Variants in PLEKHB2 observed in about 807,000 individuals in gnomAD.
PLEKHB2 encodes the protein pleckstrin homology domain-containing family B member 2.
A neutral mutation model predicts 36.5 loss-of-function variants in PLEKHB2; 31 were observed. The observed-to-expected ratio is 0.85, with a 90% CI of 0.64 to 1.15. The LOEUF is 1.15. PLEKHB2 is among the 50% of genes most tolerant of loss of function. The pLI, the probability that PLEKHB2 is intolerant of heterozygous loss-of-function variation, is 0.00. For missense variants in PLEKHB2, 262 were observed against 295.3 expected (o/e 0.89, Z 0.83); for synonymous variants, 119 against 112.0 (o/e 1.06, Z -0.39).
intron 1 of PLEKHB2, among the ~76,000 whole-genome samples, chr2:131,111,954 C>A (rs1227181808): frequency 1.3e-5 from 2 of 151,910 alleles, no homozygotes; most frequent in Non-Finnish European, 2.9e-5. Context: ...TGTCTTTGAC[C>A]TCATTTCCTG....
chr2:131,123,065 C>G (rs114051390), intron 2 of PLEKHB2, among the ~76,000 whole-genome samples: 3,394 of 152,242 alleles, frequency 0.022, 128 homozygotes, highest in African/African-American at 0.077. Context: ...ACAATTTTGT[C>G]CTCCCCATCA....
chr2:131,146,308 C>T (rs994758241), intron 7 of PLEKHB2, among the ~76,000 whole-genome samples: 1 of 152,170 alleles, frequency 6.6e-6, no homozygotes, highest in African/African-American at 2.4e-5. Flanking sequence ...CACTGTGTGT[C>T]TCCCATGTTC....
At chr2:131,144,402 T>C (rs1477630989) in intron 7 of PLEKHB2, 6 of 1,224,514 alleles carry the variant, frequency 4.9e-6, no homozygotes, top group East Asian at 3.2e-5. Flanking sequence ...TATTTCTGTC[T>C]TGTAGAGACC....
In PLEKHB2 at chr2:131,146,999, A is replaced by G. The variant is rs917522113; in HGVS notation, c.*226A>G. The G allele has an allele frequency of 1.8e-5, 7 of 388,826 alleles. No individual in the cohort carries two copies. The highest frequency in any genetic ancestry group is 8.9e-5 in the Admixed American group (2 of 22,518). The allele number at this position is 388,826 out of a possible 1,614,324, so 24.1% of individuals were successfully genotyped here. On this transcript the variant is annotated 3_prime_UTR_variant, in exon 8 of 8. Transcript: ENST00000693505. ...TCTCCGGGGGCACTGGCTCATTCCA[A>G]GACTGTTCTTGTGCAACTCTCAGAA...
intron 1 of PLEKHB2, among the ~76,000 whole-genome samples, chr2:131,113,039 T>C (rs761071207): frequency 3.9e-5 from 6 of 152,090 alleles, no homozygotes; most frequent in Non-Finnish European, 8.8e-5. Flanking sequence ...TCCAGGTAGA[T>C]AGTGTGACAG....
intron 1 of PLEKHB2, among the ~76,000 whole-genome samples, chr2:131,116,812 T>A (rs1695927265): frequency 6.6e-6 from 1 of 152,110 alleles, no homozygotes; most frequent in Non-Finnish European, 1.5e-5. Flanking sequence ...ATCCTTAAGG[T>A]TTTACCTAAA....
At chr2:131,140,519 T>TAAA (rs1698683494) in intron 7 of PLEKHB2, among the ~76,000 whole-genome samples, 1 of 151,860 alleles carries the variant, frequency 6.6e-6, no homozygotes, top group Non-Finnish European at 1.5e-5. Flanking sequence ...CTCAGAGAAT[T>TAAA]TTGTACTTAT....
chr2:131,140,494 G>T (rs1698678763), intron 7 of PLEKHB2, among the ~76,000 whole-genome samples: 1 of 152,202 alleles, frequency 6.6e-6, no homozygotes, highest in Non-Finnish European at 1.5e-5. Context: ...CTTGGCTTTT[G>T]TGTGTAGATT....
chr2:131,131,980 C>T (rs1051115204), intron 5 of PLEKHB2, among the ~76,000 whole-genome samples: 13 of 152,034 alleles, frequency 8.6e-5, no homozygotes, highest in African/African-American at 1.4e-4. Flanking sequence ...ATTACAGGCA[C>T]GTGCCACCAC....
At chr2:131,129,975 T>C (rs1697512853) in intron 4 of PLEKHB2, among the ~76,000 whole-genome samples, 1 of 152,188 alleles carries the variant, frequency 6.6e-6, no homozygotes, top group African/African-American at 2.4e-5. Flanking sequence ...TTTTCAGTCT[T>C]TGGAATTTGC....
chr2:131,148,089 A>C lies in PLEKHB2; in HGVS notation c.*1316A>C, dbSNP rs897934231. ...CAGAAGTGGGACTCTGTGGCTGTTC[A>C]CTGAGCACCAGGGCAGACTGTAGCT... is the stretch of plus-strand genomic sequence containing the variant. On this transcript the variant is annotated 3_prime_UTR_variant, in exon 8 of 8. Coordinates refer to ENST00000693505, the MANE Select transcript of PLEKHB2 (RefSeq NM_001100623.2). 1.3e-5 allele frequency: 2 copies of C among 152,416 alleles called. No individual in the cohort carries two copies. Among genetic ancestry groups the C allele is most frequent in the East Asian group, 3.9e-4 (2 of 5,184 alleles). The allele number at this position is 152,416 out of a possible 1,614,324, so 9.4% of individuals were successfully genotyped here. A position where few individuals can be genotyped will look rare whatever the true frequency, so the allele number is the denominator to read the frequency against.
intron 5 of PLEKHB2, among the ~76,000 whole-genome samples, chr2:131,131,249 C>T (rs1449823938): frequency 1.3e-5 from 2 of 152,222 alleles, no homozygotes; most frequent in Admixed American, 1.3e-4. Context: ...AGGCACCCTG[C>T]TCTTACAGGC....
At chr2:131,120,791 T>C (rs1256276399) in intron 1 of PLEKHB2, 143 bp from the exon 2 acceptor site, 4 of 773,036 alleles carry the variant, frequency 5.2e-6, no homozygotes, top group Non-Finnish European at 9.2e-6. Context: ...GAGGTGTTTG[T>C]TAAATGCCAG....
chr2:131,130,739 C>T lies in PLEKHB2; in HGVS notation c.312C>T (p.Leu104=), dbSNP rs1697589774. The change falls in exon 5 of 8, where the codon CTC becomes CTT. Residue 104 remains leucine (L), a synonymous_variant. Transcript: ENST00000693505. ...TDDCLAWKFT[L]QDSRTNTAYV... ...TCTCCAGGGCCTGGAAATTTACACT[C>T]CAAGATTCTAGGACAAACACAGTAA... 1.1e-5 allele frequency: 18 copies of T among 1,611,538 alleles called. No individual in the cohort carries two copies. Among genetic ancestry groups the T allele is most frequent in the Non-Finnish European group, 1.5e-5 (18 of 1,178,042 alleles).
At chr2:131,134,823 T>G (rs1301332903) in intron 6 of PLEKHB2, among the ~76,000 whole-genome samples, 1 of 152,224 alleles carries the variant, frequency 6.6e-6, no homozygotes, top group Non-Finnish European at 1.5e-5. Flanking sequence ...AATGACATCT[T>G]TATTGAATGT....
At chr2:131,115,048 G>A (rs1011076328) in intron 1 of PLEKHB2, among the ~76,000 whole-genome samples, 2 of 152,198 alleles carry the variant, frequency 1.3e-5, no homozygotes, top group African/African-American at 2.4e-5. Flanking sequence ...AGGAGGTTTA[G>A]TTGACTCACA....
At chr2:131,140,024 G>A in intron 6 of PLEKHB2, 143 bp from the exon 7 acceptor site, 2 of 559,306 alleles carry the variant, frequency 3.6e-6, no homozygotes, top group Non-Finnish European at 6.4e-6. Context: ...TTAAAACGGG[G>A]GGCCTAACCA....
At chr2:131,111,691 A>G (rs901145037) in intron 1 of PLEKHB2, among the ~76,000 whole-genome samples, 1 of 151,518 alleles carries the variant, frequency 6.6e-6, no homozygotes, top group African/African-American at 2.4e-5. Flanking sequence ...GGGTTTCACC[A>G]TGTTGGCCAG....
intron 1 of PLEKHB2, among the ~76,000 whole-genome samples, chr2:131,108,775 G>A (rs1052371715): frequency 1.2e-4 from 18 of 152,236 alleles, no homozygotes; most frequent in Admixed American, 5.2e-4. Context: ...GGGAAAATAA[G>A]TAATAGTAAT....
Sources: gnomAD v4.1 joint callset for allele counts (sites outside exome capture counted in the v4.1 genomes callset) on GRCh38, gnomAD v4.1.1 for gene constraint, MANE v1.5 for transcripts, NCBI Gene and HGNC (gene_info 2026-07-23, HGNC 2026-07-21) for gene names.